Variants in LAMA4 observed in about 807,000 individuals in gnomAD.
LAMA4 encodes the protein laminin subunit alpha 4.
LAMA4 carries 127 observed loss-of-function variants against 207.1 expected under a neutral mutation model. The observed-to-expected ratio is 0.61, with a 90% CI of 0.53 to 0.71. LAMA4 has a LOEUF of 0.71. Among genes scored for constraint, LAMA4 ranks in the 30% least tolerant of loss-of-function variants. The pLI is 0.00. For synonymous variants in LAMA4, 761 were observed against 816.0 expected, an observed-to-expected ratio of 0.93 and a Z score of 1.15; for missense variants, 2,093 against 2,246.5, an observed-to-expected ratio of 0.93 and a Z score of 1.38.
intron 3 of LAMA4, 101 bp downstream of exon 3, chr6:112,216,267 T>A: frequency 1.3e-6 from 1 of 797,384 alleles, no homozygotes; most frequent in South Asian, 1.4e-5. Context: ...TGATTAGCAG[T>A]TTGCTCCTAT....
chr6:112,130,303 TG>T (rs1562640376), intron 29 of LAMA4: 37 of 392,524 alleles, frequency 9.4e-5, no homozygotes, highest in East Asian at 4.6e-4. Context: ...ATTATTTTTG[TG>T]TGTGTGTGTG....
chr6:112,136,368 TAAGA>T (rs1779347860), intron 24 of LAMA4, 114 bp from the exon 25 acceptor site: 1 of 844,650 alleles, frequency 1.2e-6, no homozygotes, highest in Non-Finnish European at 1.9e-6. Flanking sequence ...ATTTGAAGAC[TAAGA>T]AAGTCTCATG....
chr6:112,119,721 C>G (rs587744078), intron 33 of LAMA4, among the ~76,000 whole-genome samples: 1 of 152,284 alleles, frequency 6.6e-6, no homozygotes, highest in East Asian at 1.9e-4. Context: ...CTGAATATAG[C>G]TTATGTTTTT....
rs530121608 is a variant in LAMA4 at position 112,198,257 on chromosome 6, G to A, written c.503+3351C>T. ...ATCCAAAGTTTTCCTGGAGACAGTT[G>A]GACACAGATTTTAAAACCACCACTT... is the stretch of plus-strand genomic sequence containing the variant. On this transcript the variant is annotated intron_variant, in intron 5 of 38. Transcript: ENST00000230538. Among the ~76,000 whole-genome samples, 35 of 152,208 alleles carry A rather than the reference G, an allele frequency of 2.3e-4. No individual in the cohort carries two copies. The South Asian group carries it at 6.6e-3, about 29-fold the overall frequency.
In LAMA4 at chr6:112,135,108, G is replaced by GGTGT. The variant is rs55812235; in HGVS notation, c.3415-503_3415-500dup. On this transcript the variant is annotated intron_variant, in intron 25 of 38. Coordinates refer to ENST00000230538, the MANE Select transcript of LAMA4 (RefSeq NM_001105206.3). ...CCAGCATTTCCTTGTGTCCCTTTGT[G>GGTGT]GTGTGTGTGTGTGTGTGAGCATGTG... Among the ~76,000 whole-genome samples, 31 of 150,988 alleles carry GGTGT rather than the reference G, an allele frequency of 2.1e-4. No homozygotes were observed. The East Asian group carries it at 2.7e-3, about 13-fold the overall frequency.
At chr6:112,140,609 A>C in intron 22 of LAMA4, 151 bp downstream of exon 22, 1 of 717,970 alleles carries the variant, frequency 1.4e-6, no homozygotes, top group Non-Finnish European at 2.4e-6. Flanking sequence ...TTTACACATC[A>C]GGTTTATAGA....
chr6:112,214,438 G>A (rs145030425), intron 3 of LAMA4, among the ~76,000 whole-genome samples: 59 of 152,050 alleles, frequency 3.9e-4, no homozygotes, highest in Middle Eastern at 3.4e-3. Flanking sequence ...TATATGTGTC[G>A]CTCTGGGGGA....
chr6:112,146,556 A>G (rs1386669727), intron 18 of LAMA4, among the ~76,000 whole-genome samples: 1 of 152,186 alleles, frequency 6.6e-6, no homozygotes, highest in Non-Finnish European at 1.5e-5. Context: ...GCACACTAGT[A>G]TTTGAGAACC....
chr6:112,109,701 A>G, intron 38 of LAMA4, 119 bp from the exon 39 acceptor site: 1 of 1,020,058 alleles, frequency 9.8e-7, no homozygotes, highest in Non-Finnish European at 1.5e-6. Context: ...ACATTTCAAA[A>G]ATAGAACATA....
intron 2 of LAMA4, among the ~76,000 whole-genome samples, chr6:112,249,377 G>C (rs181097507): frequency 1.5e-3 from 227 of 150,018 alleles, no homozygotes; most frequent in Non-Finnish European, 2.6e-3. Context: ...CAGGAGGCAG[G>C]GGTTGCAGTG....
At chr6:112,246,409 T>C (rs536339978) in intron 2 of LAMA4, among the ~76,000 whole-genome samples, 1 of 152,166 alleles carries the variant, frequency 6.6e-6, no homozygotes, top group African/African-American at 2.4e-5. Context: ...CAGAAAAAAC[T>C]CTAAAGTAGG....
chr6:112,209,702 T>G (rs1279160513), intron 3 of LAMA4, among the ~76,000 whole-genome samples: 2 of 152,226 alleles, frequency 1.3e-5, no homozygotes, highest in Non-Finnish European at 2.9e-5. Context: ...CTTCTAGCTC[T>G]GATAATTTTT....
chr6:112,144,779 C>T lies in LAMA4; in HGVS notation c.2493+15G>A. On this transcript the variant is annotated intron_variant, in intron 19 of 38. Coordinates refer to ENST00000230538, the MANE Select transcript of LAMA4 (RefSeq NM_001105206.3). ...TATTACCGCTGACTGACTGATGAGT[C>T]TTTTCATCAGTTACCTTGCTGGCAA... The T allele has an allele frequency of 6.2e-7, 1 of 1,612,200 alleles. No homozygotes were observed. The highest frequency in any genetic ancestry group is 8.5e-7 in the Non-Finnish European group (1 of 1,179,630).
intron 21 of LAMA4, 57 bp from the exon 22 acceptor site, chr6:112,140,979 A>C: frequency 2.7e-6 from 4 of 1,463,748 alleles, no homozygotes; most frequent in Non-Finnish European, 3.8e-6. Flanking sequence ...AATACTTTTT[A>C]AATGTCAAAA....
intron 8 of LAMA4, among the ~76,000 whole-genome samples, chr6:112,185,598 A>G (rs1782639104): frequency 1.3e-5 from 2 of 152,176 alleles, no homozygotes; most frequent in Non-Finnish European, 2.9e-5. Flanking sequence ...TGGGTTGACC[A>G]TGGGGAAAGG....
chr6:112,209,029 A>G (rs1026740198), intron 3 of LAMA4, among the ~76,000 whole-genome samples: 19 of 152,234 alleles, frequency 1.2e-4, no homozygotes, highest in African/African-American at 4.6e-4. Flanking sequence ...AAAAGCATGG[A>G]TTAATGAATT....
At chr6:112,205,677 A>G (rs1223224070) in intron 4 of LAMA4, among the ~76,000 whole-genome samples, 2 of 151,540 alleles carry the variant, frequency 1.3e-5, no homozygotes, top group Non-Finnish European at 2.9e-5. Context: ...TTTCAACCAT[A>G]TCTGAGTTTA....
At chr6:112,186,794 G>A (rs1366158775) in intron 8 of LAMA4, 2 of 450,956 alleles carry the variant, frequency 4.4e-6, no homozygotes, top group Admixed American at 4.8e-5. Context: ...ATCTGTGATT[G>A]GTTGAATCTG....
At chr6:112,226,309 C>T (rs1305096750) in intron 2 of LAMA4, among the ~76,000 whole-genome samples, 1 of 152,158 alleles carries the variant, frequency 6.6e-6, no homozygotes, top group South Asian at 2.1e-4. Flanking sequence ...AAGGATCCAA[C>T]CTTAAACTAT....
Sources: gnomAD v4.1 joint callset for allele counts (sites outside exome capture counted in the v4.1 genomes callset) on GRCh38, gnomAD v4.1.1 for gene constraint, MANE v1.5 for transcripts, NCBI Gene and HGNC (gene_info 2026-07-23, HGNC 2026-07-21) for gene names.